KCNV2: variants seen among roughly 807,000 people sequenced by gnomAD.
The protein encoded by KCNV2 is potassium voltage-gated channel modifier subfamily V member 2, also known as potassium voltage-gated channel subfamily V member 2.
KCNV2 carries 65 observed loss-of-function variants against 37.0 expected under a neutral mutation model. The observed-to-expected ratio is 1.76, with a 90% CI of 1.44 to 2.16. KCNV2 has a LOEUF of 2.16. Among genes scored for constraint, KCNV2 ranks in the 30% most tolerant of loss-of-function variants. The pLI, the probability that KCNV2 is intolerant of heterozygous loss-of-function variation, is 0.00. For synonymous variants in KCNV2, 518 were observed against 328.6 expected, an observed-to-expected ratio of 1.58 and a Z score of -6.23; for missense variants, 1,232 against 766.7, an observed-to-expected ratio of 1.61 and a Z score of -7.17.
At position 2,718,405 on chromosome 9, in the gene KCNV2, G is replaced by A; in HGVS notation, c.666G>A (p.Ala222=). The change falls in exon 1 of 2, where the codon GCG becomes GCA. Residue 222 remains alanine, a synonymous_variant. Transcript: ENST00000382082. ...ERLKIQHELR[A]QAQVEEAEEL... is the part of the protein sequence containing the mutation. ...TCAAGATCCAGCACGAGCTGCGCGC[G>A]CAGGCGCAGGTCGAGGAGGCGGAGG... is the stretch of plus-strand genomic sequence containing the variant. 2 of 1,602,166 alleles carry A rather than the reference G, an allele frequency of 1.2e-6. No homozygotes were observed. The highest frequency in any genetic ancestry group is 2.2e-5 in the South Asian group (2 of 89,712).
chr9:2,718,389 A>G lies in KCNV2; in HGVS notation c.650A>G (p.Gln217Arg). The change falls in exon 1 of 2, where the codon CAG (glutamine) becomes CGG (arginine). Residue 217 changes from glutamine (Q) to arginine (R), a missense_variant. By Grantham distance (43) the Gln-to-Arg change is conservative (BLOSUM62 1). Transcript: ENST00000382082. ...RDELSERLKI[Q>R]HELRAQAQVE... ...GAGCTGAGCGAACGGCTCAAGATCC[A>G]GCACGAGCTGCGCGCGCAGGCGCAG... 4 of 1,601,484 alleles carry G rather than the reference A, an allele frequency of 2.5e-6. No individual in the cohort carries two copies. The highest frequency in any genetic ancestry group is 3.4e-6 in the Non-Finnish European group (4 of 1,175,326).
chr9:2,727,552 C>G (rs376003663), intron 1 of KCNV2, among the ~76,000 whole-genome samples: 1 of 152,118 alleles, frequency 6.6e-6, no homozygotes, highest in South Asian at 2.1e-4. Flanking sequence ...TCTACTGGAG[C>G]CAGAGGGCAG....
rs1008569494 is a variant in KCNV2 at position 2,722,384 on chromosome 9, A to T, written c.1356+3289A>T. ...ATAAATAAATTAGAAGTTATTTATA[A>T]ATAAATTAGAAGTTATTTATAAATA... On this transcript the variant is annotated intron_variant, in intron 1 of 1. Coordinates refer to ENST00000382082, the MANE Select transcript of KCNV2 (RefSeq NM_133497.4). Among the ~76,000 whole-genome samples the T allele has an allele frequency of 1.0e-4, 14 of 139,196 alleles. No homozygotes were observed. The East Asian group carries it at 2.0e-3, about 20-fold the overall frequency. The allele number at this position is 139,196 out of a possible 152,430, so 91.3% of individuals were successfully genotyped here.
rs756949524 is a variant in KCNV2 at position 2,717,959 on chromosome 9, G to A, written c.220G>A (p.Glu74Lys). ...EDQWKDDLAEEDQQAGEVTTA... is the reference protein window; with the variant it reads ...EDQWKDDLAEKDQQAGEVTTA... ...CCAGTGGAAGGACGACCTGGCAGAAGAGGACCAGCAGGCAGGGGAGGTCAC... is the reference window on the plus strand; with the variant it reads ...CCAGTGGAAGGACGACCTGGCAGAAAAGGACCAGCAGGCAGGGGAGGTCAC... The change falls in exon 1 of 2, where the codon GAG (glutamate) becomes AAG (lysine). Residue 74 changes from glutamate (E) to lysine (K), a missense_variant. Transcript: ENST00000382082. 18 of 1,614,078 alleles carry A rather than the reference G, an allele frequency of 1.1e-5. No individual in the cohort carries two copies. Among genetic ancestry groups the A allele is most frequent in the South Asian group, 5.5e-5 (5 of 91,088 alleles).
chr9:2,718,655 G>T lies in KCNV2; in HGVS notation c.916G>T (p.Glu306Ter), dbSNP rs104894114. 6.2e-7 allele frequency: 1 copy of T among 1,613,320 alleles called. No individual in the cohort carries two copies. Among genetic ancestry groups the T allele is most frequent in the South Asian group, 1.1e-5 (1 of 91,090 alleles). ...CCTGCGGCCCATCCTGGAGCACGTG[G>T]AGATGCTGTGCATGGGCTTCTTCAC... ...PDLRPILEHV[E>*]MLCMGFFTLE... Residue 306 changes from glutamate to a stop codon, truncating the protein, a stop_gained, in exon 1 of 2, where the codon GAG (glutamate) becomes TAG (stop). Transcript: ENST00000382082. LOFTEE classifies it high-confidence loss of function.
rs1227867365 is a variant in KCNV2 at position 2,719,032 on chromosome 9, T to C, written c.1293T>C (p.Ser431=). The C allele has an allele frequency of 3.1e-6, 5 of 1,612,852 alleles. No individual in the cohort carries two copies. The African/African-American group carries it at 5.3e-5, about 17-fold the overall frequency. The change falls in exon 1 of 2, where the codon TCT becomes TCC. Residue 431 remains serine, a synonymous_variant. Transcript: ENST00000382082. The part of the protein sequence containing the change: ...GIFTFSAAVY[S]VEHDVPSTNF... ...TCACTTTCTCTGCGGCTGTCTACTC[T>C]GTGGAGCACGATGTGCCCAGCACCA...
chr9:2,723,186 A>C (rs563804762), intron 1 of KCNV2, among the ~76,000 whole-genome samples: 17 of 152,326 alleles, frequency 1.1e-4, no homozygotes, highest in Admixed American at 7.8e-4. Context: ...TCACAAATTG[A>C]AACTTTAAAG....
At position 2,717,580 on chromosome 9, in the gene KCNV2, C is replaced by T. The variant is rs898411073; in HGVS notation, c.-160C>T. On this transcript the variant is annotated 5_prime_UTR_variant, in exon 1 of 2. Transcript: ENST00000382082. ...GGCCTGCCCAGGACCTGAGAAGGGGCAGCTCCGGTGGCAATGTCTGAGCCC... is the reference window on the plus strand; with the variant it reads ...GGCCTGCCCAGGACCTGAGAAGGGGTAGCTCCGGTGGCAATGTCTGAGCCC... 5.8e-6 allele frequency: 5 copies of T among 862,190 alleles called. No homozygotes were observed. The highest frequency in any genetic ancestry group is 4.7e-5 in the South Asian group (3 of 63,328). 53.4% of individuals were successfully genotyped at this position (862,190 alleles called of 1,614,324 possible).
chr9:2,725,669 CT>C (rs1281312674), intron 1 of KCNV2, among the ~76,000 whole-genome samples: 1 of 152,182 alleles, frequency 6.6e-6, no homozygotes, highest in Non-Finnish European at 1.5e-5. Context: ...AAAGATCCAT[CT>C]TCACCACCTC....
chr9:2,718,626 C>T lies in KCNV2; in HGVS notation c.887C>T (p.Pro296Leu), dbSNP rs947385331. 2 of 1,613,128 alleles carry T rather than the reference C, an allele frequency of 1.2e-6. No homozygotes were observed. Among genetic ancestry groups the T allele is most frequent in the Non-Finnish European group, 1.7e-6 (2 of 1,179,808 alleles). ...CACTCGGGGCAGGGCGAGGGCGGCC[C>T]AGACCTGCGGCCCATCCTGGAGCAC... ...QQHSGQGEGG[P>L]DLRPILEHVE... The change falls in exon 1 of 2, where the codon CCA becomes CTA. Residue 296 changes from proline to leucine, a missense_variant. By Grantham distance (98) the Pro-to-Leu change is moderately conservative. Coordinates refer to ENST00000382082, the MANE Select transcript of KCNV2 (RefSeq NM_133497.4).
At chr9:2,719,597 T>A (rs1001568970) in intron 1 of KCNV2, among the ~76,000 whole-genome samples, 2 of 152,172 alleles carry the variant, frequency 1.3e-5, no homozygotes. Context: ...CCACCTCTGG[T>A]TCCACTTAAA....
chr9:2,723,036 C>G (rs1231165276), intron 1 of KCNV2, among the ~76,000 whole-genome samples: 4 of 152,152 alleles, frequency 2.6e-5, no homozygotes, highest in African/African-American at 4.8e-5. Flanking sequence ...AGCCCACCCA[C>G]CATAGGAGGG....
intron 1 of KCNV2, among the ~76,000 whole-genome samples, chr9:2,722,847 T>TCTG (rs1185011951): frequency 6.6e-6 from 1 of 152,174 alleles, no homozygotes; most frequent in Admixed American, 6.5e-5. Context: ...AGGCCACATG[T>TCTG]CTGCATTCCT....
In KCNV2 at chr9:2,729,753, G is replaced by A. The variant is rs112417467; in HGVS notation, c.*26G>A. 5.8e-5 allele frequency: 94 copies of A among 1,611,600 alleles called. No individual in the cohort carries two copies. The African/African-American group carries it at 1.0e-3, about 17-fold the overall frequency. Reference sequence around the variant, plus strand: ...TATTTTATAGGACATGTGGCTGGTAGATTCCATGAACTTCAAGGCTTCATT... The same window carrying A: ...TATTTTATAGGACATGTGGCTGGTAAATTCCATGAACTTCAAGGCTTCATT... On this transcript the variant is annotated 3_prime_UTR_variant, in exon 2 of 2. Coordinates refer to ENST00000382082, the MANE Select transcript of KCNV2 (RefSeq NM_133497.4).
intron 1 of KCNV2, among the ~76,000 whole-genome samples, chr9:2,727,935 CTT>C (rs1819994215): frequency 6.6e-6 from 1 of 152,188 alleles, no homozygotes; most frequent in Non-Finnish European, 1.5e-5. Context: ...CATTACCTCT[CTT>C]GGATGCCTGC....
chr9:2,726,475 A>G (rs955815706), intron 1 of KCNV2, among the ~76,000 whole-genome samples: 2 of 151,880 alleles, frequency 1.3e-5, no homozygotes, highest in Admixed American at 6.6e-5. Context: ...TTGACTTTTC[A>G]CTCAAAGTTC....
chr9:2,722,590 GTTAT>G lies in KCNV2; in HGVS notation c.1356+3504_1356+3507del, dbSNP rs1203059794. Among the ~76,000 whole-genome samples, 27 of 143,818 alleles carry G rather than the reference GTTAT, an allele frequency of 1.9e-4. 4 individuals carry two copies. Among genetic ancestry groups the G allele is most frequent in the African/African-American group, 4.3e-4 (16 of 37,280 alleles). The allele number at this position is 143,818 out of a possible 152,430, so 94.4% of individuals were successfully genotyped here. A position where few individuals can be genotyped will look rare whatever the true frequency, so the allele number is the denominator to read the frequency against. The stretch of plus-strand genomic sequence containing the variant: ...GAAGTTATTTATTTATAAATTAGAA[GTTAT>G]TTATTTATAAATAAATTAGAAGTTA... On this transcript the variant is annotated intron_variant, in intron 1 of 1. Coordinates refer to ENST00000382082, the MANE Select transcript of KCNV2 (RefSeq NM_133497.4).
chr9:2,718,586 G>T lies in KCNV2; in HGVS notation c.847G>T (p.Glu283Ter). ...SVVALALNTV[E>*]EMQQHSGQGE... The stretch of plus-strand genomic sequence containing the variant: ...GGTGGCGCTGGCGCTCAACACCGTG[G>T]AGGAGATGCAGCAGCACTCGGGGCA... Residue 283 changes from glutamate (E) to a stop codon, truncating the protein, a stop_gained, in exon 1 of 2, where the codon GAG becomes TAG. Coordinates refer to ENST00000382082, the MANE Select transcript of KCNV2 (RefSeq NM_133497.4). LOFTEE classifies it high-confidence loss of function. 6.2e-7 allele frequency: 1 copy of T among 1,612,962 alleles called. No homozygotes were observed. Among genetic ancestry groups the T allele is most frequent in the African/African-American group, 1.3e-5 (1 of 75,062 alleles).
At chr9:2,722,390 T>TTTATAAA (rs1819892203) in intron 1 of KCNV2, among the ~76,000 whole-genome samples, 1 of 124,524 alleles carries the variant, frequency 8.0e-6, no homozygotes, top group Admixed American at 8.3e-5. Flanking sequence ...TATAAATAAA[T>TTTATAAA]TAGAAGTTAT....
Sources: allele counts gnomAD v4.1 joint callset (sites outside exome capture counted in the v4.1 genomes callset), GRCh38; gene constraint gnomAD v4.1.1; transcripts MANE v1.5; gene names NCBI Gene and HGNC (gene_info 2026-07-23, HGNC 2026-07-21).